The following SGF29 variants were observed in gnomAD, a reference collection of about 807,000 sequenced individuals.
The protein encoded by SGF29 is SAGA complex associated factor 29.
In SGF29, 15 loss-of-function variants were observed where a neutral mutation model predicts 38.1. The observed-to-expected ratio is 0.39, with a 90% confidence interval of 0.26 to 0.61. The LOEUF is 0.61. Ranked by LOEUF, SGF29 falls within the 20% of genes least tolerant of loss-of-function variation. SGF29 has a pLI of 0.49. For synonymous variants in SGF29, 151 were observed against 160.8 expected (o/e 0.94, Z 0.46); for missense variants, 184 against 394.6 (o/e 0.47, Z 4.52).
At chr16:28,589,865 G>C (rs11644791) in intron 5 of SGF29, among the ~76,000 whole-genome samples, 16,223 of 152,056 alleles carry the variant, frequency 0.11, 960 homozygotes, top group Middle Eastern at 0.18. Flanking sequence ...CTTTCTTCTG[G>C]TTCCTCCCCC....
chr16:28,571,675 A>G (rs1204977322), intron 1 of SGF29, among the ~76,000 whole-genome samples: 1 of 151,834 alleles, frequency 6.6e-6, no homozygotes, highest in African/African-American at 2.4e-5. Flanking sequence ...CATGTGGTTC[A>G]TAGTTGACGC....
At chr16:28,572,283 A>T (rs1402179025) in intron 1 of SGF29, among the ~76,000 whole-genome samples, 1 of 125,348 alleles carries the variant, frequency 8.0e-6, no homozygotes, top group African/African-American at 3.1e-5. Context: ...GCCCTTTTGT[A>T]TTTTTCTTGA....
intron 1 of SGF29, among the ~76,000 whole-genome samples, chr16:28,570,109 C>T (rs945648177): frequency 9.2e-5 from 14 of 152,060 alleles, no homozygotes; most frequent in African/African-American, 3.4e-4. Context: ...CTCTGAGACC[C>T]CAGACTGGTA....
At chr16:28,558,516 C>A (rs1301141260) in intron 1 of SGF29, among the ~76,000 whole-genome samples, 1 of 152,124 alleles carries the variant, frequency 6.6e-6, no homozygotes, top group Non-Finnish European at 1.5e-5. Context: ...TACTTGGCCT[C>A]CCAAGGTGTT....
intron 2 of SGF29, among the ~76,000 whole-genome samples, chr16:28,583,383 T>TC (rs1217412085): frequency 5.9e-5 from 9 of 151,516 alleles, no homozygotes; most frequent in Non-Finnish European, 8.8e-5. Context: ...CTAGCAAGTA[T>TC]CCCCCCCCAA....
chr16:28,564,738 T>C (rs758016167), intron 1 of SGF29, among the ~76,000 whole-genome samples: 1,235 of 9,050 alleles, frequency 0.14, 24 homozygotes, highest in African/African-American at 0.15. Flanking sequence ...CATATATATG[T>C]ATATATGTAT....
At chr16:28,587,180 C>G (rs1006483389) in intron 4 of SGF29, among the ~76,000 whole-genome samples, 8 of 152,156 alleles carry the variant, frequency 5.3e-5, no homozygotes, top group African/African-American at 1.7e-4. Context: ...TTGGGAGATA[C>G]TTTTGAGACT....
intron 1 of SGF29, among the ~76,000 whole-genome samples, chr16:28,558,127 A>G (rs1466537548): frequency 6.9e-6 from 1 of 145,534 alleles, no homozygotes; most frequent in Non-Finnish European, 1.5e-5. Context: ...TTTTTTTTGA[A>G]ACGGAGTCTC....
chr16:28,572,726 G>A (rs964673133), intron 1 of SGF29, among the ~76,000 whole-genome samples: 2 of 152,176 alleles, frequency 1.3e-5, no homozygotes, highest in South Asian at 2.1e-4. Flanking sequence ...CAGCAAGATC[G>A]TGTGTCTGAG....
At chr16:28,554,651 C>T (rs991259832) in intron 1 of SGF29, among the ~76,000 whole-genome samples, 1 of 152,184 alleles carries the variant, frequency 6.6e-6, no homozygotes, top group Non-Finnish European at 1.5e-5. Flanking sequence ...GCCTCCTTCA[C>T]CCTCGCTATC....
intron 1 of SGF29, among the ~76,000 whole-genome samples, chr16:28,579,327 G>A (rs1596604469): frequency 1.4e-5 from 2 of 145,098 alleles, no homozygotes; most frequent in Middle Eastern, 7.2e-3. Context: ...GCGTGATCTC[G>A]GCGCACTGCA....
At chr16:28,557,486 CCAGTAAA>C (rs2046759533) in intron 1 of SGF29, among the ~76,000 whole-genome samples, 1 of 152,176 alleles carries the variant, frequency 6.6e-6, no homozygotes, top group Non-Finnish European at 1.5e-5. Context: ...TTATAATAAG[CCAGTAAA>C]CCTAAGTGTT....
intron 1 of SGF29, among the ~76,000 whole-genome samples, chr16:28,555,081 T>G (rs1355170919): frequency 2.0e-5 from 3 of 152,212 alleles, no homozygotes; most frequent in Non-Finnish European, 2.9e-5. Context: ...AGCCTCAAAC[T>G]CTTGGGCTTA....
At chr16:28,563,330 T>C (rs1321306026) in intron 1 of SGF29, among the ~76,000 whole-genome samples, 1 of 152,156 alleles carries the variant, frequency 6.6e-6, no homozygotes, top group Non-Finnish European at 1.5e-5. Context: ...TGGTCCACTT[T>C]GAAAGTTCGT....
intron 1 of SGF29, among the ~76,000 whole-genome samples, chr16:28,576,599 C>G (rs1201996535): frequency 6.6e-6 from 1 of 151,978 alleles, no homozygotes; most frequent in Non-Finnish European, 1.5e-5. Flanking sequence ...ACTTGGGAGG[C>G]TGAGGCAGGA....
chr16:28,585,521 A>G (rs753275971), intron 3 of SGF29, 127 bp from the exon 4 acceptor site: 6 of 837,708 alleles, frequency 7.2e-6, no homozygotes, highest in Non-Finnish European at 1.2e-5. Flanking sequence ...CTCCTGAGCC[A>G]GCAGAGCTCT....
rs774387740 is a variant in SGF29, at chr16:28,591,643, T to C, written c.819T>C (p.Tyr273=). 2 of 1,614,120 alleles carry C rather than the reference T, an allele frequency of 1.2e-6. No individual in the cohort carries two copies. Among genetic ancestry groups the C allele is most frequent in the South Asian group, 2.2e-5 (2 of 91,086 alleles). ...LFEDTSYADG[Y]SPPLNVAQRY... Reference sequence around the variant, plus strand: ...AAGACACCTCCTATGCAGATGGCTATTCCCCTCCCCTCAATGTGGCTCAGA... The same window carrying C: ...AAGACACCTCCTATGCAGATGGCTACTCCCCTCCCCTCAATGTGGCTCAGA... Residue 273 remains tyrosine, a synonymous_variant, in exon 10 of 10, where the codon TAT becomes TAC. Coordinates refer to ENST00000317058, the MANE Select transcript of SGF29 (RefSeq NM_138414.3).
At chr16:28,578,093 A>G (rs2151649350) in intron 1 of SGF29, among the ~76,000 whole-genome samples, 1 of 151,306 alleles carries the variant, frequency 6.6e-6, no homozygotes, top group African/African-American at 2.4e-5. Flanking sequence ...GCTGCAAGTG[A>G]TCCTCCCGCC....
intron 1 of SGF29, among the ~76,000 whole-genome samples, chr16:28,567,929 T>C (rs1402158494): frequency 6.6e-6 from 1 of 152,122 alleles, no homozygotes; most frequent in Non-Finnish European, 1.5e-5. Context: ...GGGACACACT[T>C]GTAAGTTGCC....
Sources: gnomAD v4.1 joint callset for allele counts (sites outside exome capture counted in the v4.1 genomes callset) on GRCh38, gnomAD v4.1.1 for gene constraint, MANE v1.5 for transcripts, NCBI Gene and HGNC (gene_info 2026-07-23, HGNC 2026-07-21) for gene names.